Variants in ASIC2 observed in about 807,000 individuals in gnomAD.
ASIC2 encodes the protein acid-sensing ion channel 2.
A neutral mutation model predicts 57.3 loss-of-function variants in ASIC2; 25 were observed. The observed-to-expected ratio is 0.44, with a 90% CI of 0.32 to 0.61. The LOEUF is 0.61. Ranked by LOEUF, ASIC2 falls within the 20% of genes least tolerant of loss-of-function variation. ASIC2 has a pLI of 0.06. For missense variants in ASIC2, 641 were observed against 738.1 expected (o/e 0.87, Z 1.52); for synonymous variants, 319 against 307.5 (o/e 1.04, Z -0.39).
chr17:33,357,288 GAGA>G (rs1008434347), intron 1 of ASIC2, among the ~76,000 whole-genome samples: 3 of 152,126 alleles, frequency 2.0e-5, no homozygotes, highest in African/African-American at 4.8e-5. Flanking sequence ...TAGCGAGGGA[GAGA>G]AGAAGGACAG....
chr17:33,100,885 C>T (rs184078573), intron 2 of ASIC2, among the ~76,000 whole-genome samples: 33 of 152,372 alleles, frequency 2.2e-4, no homozygotes, highest in Admixed American at 1.4e-3. Flanking sequence ...GTATTTTCTG[C>T]ATCACACTTA....
intron 1 of ASIC2, among the ~76,000 whole-genome samples, chr17:33,194,374 T>C (rs1219153319): frequency 6.6e-6 from 1 of 152,172 alleles, no homozygotes; most frequent in Non-Finnish European, 1.5e-5. Flanking sequence ...AAGTAATGGG[T>C]ACACCAGTAG....
intron 1 of ASIC2, among the ~76,000 whole-genome samples, chr17:33,180,893 A>G (rs184363883): frequency 6.6e-6 from 1 of 152,096 alleles, no homozygotes; most frequent in African/African-American, 2.4e-5. Context: ...GGTTGGTTCA[A>G]TGCTCTGCTC....
chr17:33,726,108 G>A (rs991719060), intron 1 of ASIC2, among the ~76,000 whole-genome samples: 10 of 152,126 alleles, frequency 6.6e-5, no homozygotes, highest in Non-Finnish European at 1.0e-4. Context: ...ACCATTTCAC[G>A]GCTTTCCATT....
intron 1 of ASIC2, among the ~76,000 whole-genome samples, chr17:33,402,634 TGTATG>T (rs1910323826): frequency 6.6e-6 from 1 of 152,226 alleles, no homozygotes; most frequent in South Asian, 2.1e-4. Context: ...TTTTTATGGC[TGTATG>T]GTATTCCATG....
At chr17:33,450,262 T>G (rs1912197336) in intron 1 of ASIC2, among the ~76,000 whole-genome samples, 1 of 152,228 alleles carries the variant, frequency 6.6e-6, no homozygotes, top group Non-Finnish European at 1.5e-5. Flanking sequence ...GAACCATTGT[T>G]GTAAAATGGT....
intron 1 of ASIC2, among the ~76,000 whole-genome samples, chr17:33,420,531 T>G (rs766881766): frequency 2.0e-5 from 3 of 152,196 alleles, no homozygotes; most frequent in African/African-American, 4.8e-5. Flanking sequence ...TACCTTCTCA[T>G]CTACTTATGG....
chr17:33,090,255 C>G (rs1004624774), intron 2 of ASIC2, among the ~76,000 whole-genome samples: 12 of 152,218 alleles, frequency 7.9e-5, no homozygotes, highest in African/African-American at 2.9e-4. Flanking sequence ...GCAACTCTTT[C>G]TCTTGCTCTG....
intron 1 of ASIC2, among the ~76,000 whole-genome samples, chr17:33,158,089 C>T (rs919796362): frequency 6.6e-6 from 1 of 152,240 alleles, no homozygotes; most frequent in Admixed American, 6.5e-5. Flanking sequence ...CACCAGCACA[C>T]CCTGTCCTCC....
At chr17:34,140,742 T>C (rs1912251091) in intron 1 of ASIC2, among the ~76,000 whole-genome samples, 3 of 152,208 alleles carry the variant, frequency 2.0e-5, no homozygotes, top group African/African-American at 7.2e-5. Context: ...TCTATGAGTC[T>C]ACACCAATGT....
intron 1 of ASIC2, among the ~76,000 whole-genome samples, chr17:33,457,584 G>A (rs1255366715): frequency 6.6e-6 from 1 of 152,154 alleles, no homozygotes; most frequent in Non-Finnish European, 1.5e-5. Flanking sequence ...TGCCCTCTAG[G>A]AGTTTAGTCT....
At chr17:33,383,195 C>A (rs1909552988) in intron 1 of ASIC2, among the ~76,000 whole-genome samples, 1 of 152,132 alleles carries the variant, frequency 6.6e-6, no homozygotes, top group Non-Finnish European at 1.5e-5. Flanking sequence ...AATTTGAGTA[C>A]CCCTCTCTTA....
At chr17:34,007,868 G>T (rs1415987131) in intron 1 of ASIC2, among the ~76,000 whole-genome samples, 1 of 152,144 alleles carries the variant, frequency 6.6e-6, no homozygotes, top group African/African-American at 2.4e-5. Flanking sequence ...TAATTCCTAG[G>T]TAAGATGCAC....
At position 33,998,713 on chromosome 17, in the gene ASIC2, G is replaced by A. The variant is rs115913207; in HGVS notation, c.555+157265C>T. Among the ~76,000 whole-genome samples, 487 of 152,126 alleles carry A rather than the reference G, an allele frequency of 3.2e-3. 5 individuals are homozygous for A. Among genetic ancestry groups the A allele is most frequent in the African/African-American group, 0.011 (464 of 41,532 alleles). On this transcript the variant is annotated intron_variant, in intron 1 of 9. Coordinates refer to the ASIC2 transcript ENST00000359872. ...GCTGGTTTTGATTTTTTATTTCATA[G>A]CACTATGGTTGAAAAAGATACTGAA...
intron 1 of ASIC2, among the ~76,000 whole-genome samples, chr17:33,953,446 A>G (rs1185228800): frequency 2.0e-5 from 3 of 152,150 alleles, no homozygotes; most frequent in Non-Finnish European, 4.4e-5. Flanking sequence ...TGTGATCGTA[A>G]TTTTGTATAT....
intron 1 of ASIC2, among the ~76,000 whole-genome samples, chr17:33,991,487 G>A (rs951678046): frequency 1.3e-5 from 2 of 151,996 alleles, no homozygotes; most frequent in Non-Finnish European, 2.9e-5. Flanking sequence ...CTCCTAAATT[G>A]GCCCCAACTG....
At chr17:33,027,909 A>G (rs932242091) in intron 4 of ASIC2, among the ~76,000 whole-genome samples, 13 of 152,270 alleles carry the variant, frequency 8.5e-5, no homozygotes, top group Admixed American at 2.0e-4. Context: ...ATGCTCAAAC[A>G]TGTACTACAC....
At chr17:33,425,044 CT>C (rs1202893873) in intron 1 of ASIC2, among the ~76,000 whole-genome samples, 1 of 152,216 alleles carries the variant, frequency 6.6e-6, no homozygotes, top group Non-Finnish European at 1.5e-5. Context: ...CATTATTCCA[CT>C]TAAATTTCCC....
intron 1 of ASIC2, among the ~76,000 whole-genome samples, chr17:33,657,260 A>G (rs1418103134): frequency 6.6e-6 from 1 of 152,180 alleles, no homozygotes; most frequent in Non-Finnish European, 1.5e-5. Context: ...TGCTTGGAAG[A>G]TGCAACACAC....
Sources: allele counts gnomAD v4.1 joint callset (sites outside exome capture counted in the v4.1 genomes callset), GRCh38; gene constraint gnomAD v4.1.1; transcripts MANE v1.5; gene names NCBI Gene and HGNC (gene_info 2026-07-23, HGNC 2026-07-21).